Variants in ARHGAP24 observed in about 807,000 individuals in gnomAD.
ARHGAP24 encodes Rho GTPase activating protein 24.
ARHGAP24 carries 50 observed loss-of-function variants against 76.4 expected under a neutral mutation model. The ratio of observed to expected loss-of-function variants is 0.65; its 90% CI spans 0.52 to 0.83. The LOEUF is 0.83. Among genes scored for constraint, ARHGAP24 ranks in the 40% least tolerant of loss-of-function variants. The pLI, the probability that ARHGAP24 is intolerant of heterozygous loss-of-function variation, is 0.00. For missense variants in ARHGAP24, 930 were observed against 914.2 expected (o/e 1.02, Z -0.22); for synonymous variants, 345 against 323.3 (o/e 1.07, Z -0.72).
intron 4 of ARHGAP24, among the ~76,000 whole-genome samples, chr4:85,935,458 T>C (rs1309479352): frequency 1.3e-5 from 2 of 152,220 alleles, no homozygotes; most frequent in Admixed American, 1.3e-4. Flanking sequence ...GAAATCGGGT[T>C]TGGTCTTTGA....
intron 1 of ARHGAP24, among the ~76,000 whole-genome samples, chr4:85,503,085 A>G (rs1272028350): frequency 6.6e-6 from 1 of 152,222 alleles, no homozygotes; most frequent in African/African-American, 2.4e-5. Context: ...ATCGTAGTGG[A>G]TAAGCTTTTT....
chr4:85,504,050 G>A (rs1056946245), intron 1 of ARHGAP24, among the ~76,000 whole-genome samples: 1 of 152,220 alleles, frequency 6.6e-6, no homozygotes, highest in Non-Finnish European at 1.5e-5. Flanking sequence ...TTAATCTGGA[G>A]TTCTAATTTG....
At chr4:85,900,871 T>C (rs913407493) in intron 3 of ARHGAP24, among the ~76,000 whole-genome samples, 6 of 152,220 alleles carry the variant, frequency 3.9e-5, no homozygotes, top group African/African-American at 1.2e-4. Flanking sequence ...CACTGTTGAC[T>C]GTTCTCTTGC....
At chr4:85,847,190 TAAG>T (rs1326370357) in intron 3 of ARHGAP24, among the ~76,000 whole-genome samples, 1 of 152,206 alleles carries the variant, frequency 6.6e-6, no homozygotes, top group Non-Finnish European at 1.5e-5. Flanking sequence ...GAATTTCTAA[TAAG>T]AAGGTTTAAA....
At chr4:85,870,301 C>A (rs2060073835) in intron 3 of ARHGAP24, among the ~76,000 whole-genome samples, 1 of 152,020 alleles carries the variant, frequency 6.6e-6, no homozygotes, top group Non-Finnish European at 1.5e-5. Flanking sequence ...ATTGTTAATT[C>A]TTTTCACATG....
intron 5 of ARHGAP24, among the ~76,000 whole-genome samples, chr4:85,957,735 A>T (rs978612820): frequency 2.0e-5 from 3 of 152,186 alleles, no homozygotes; most frequent in African/African-American, 7.2e-5. Flanking sequence ...GTTCCATGAA[A>T]CTGCTTTATA....
chr4:85,509,509 T>C (rs1278223436), intron 1 of ARHGAP24, among the ~76,000 whole-genome samples: 1 of 152,042 alleles, frequency 6.6e-6, no homozygotes, highest in African/African-American at 2.4e-5. Flanking sequence ...ACAAAATTCT[T>C]AGTATATTAA....
chr4:85,757,530 T>C (rs1459481239), intron 3 of ARHGAP24, among the ~76,000 whole-genome samples: 1 of 152,172 alleles, frequency 6.6e-6, no homozygotes, highest in Non-Finnish European at 1.5e-5. Context: ...TCCATGTCCC[T>C]ACAAAGGACA....
intron 1 of ARHGAP24, among the ~76,000 whole-genome samples, chr4:85,543,905 C>A (rs1725805436): frequency 6.6e-6 from 1 of 152,194 alleles, no homozygotes; most frequent in Non-Finnish European, 1.5e-5. Context: ...GTAGTTTCAT[C>A]ATTCACAGAA....
intron 8 of ARHGAP24, among the ~76,000 whole-genome samples, chr4:85,989,675 A>G (rs1428413804): frequency 1.3e-5 from 2 of 151,726 alleles, no homozygotes; most frequent in Non-Finnish European, 3.0e-5. Flanking sequence ...TATAAAAAGG[A>G]TAATAAATCA....
rs1000601960 is a variant in ARHGAP24, at chr4:86,001,198, T to C, written c.*476T>C. 2.5e-6 allele frequency: 1 copy of C among 397,334 alleles called. No homozygotes were observed. The highest frequency in any genetic ancestry group is 4.4e-6 in the Non-Finnish European group (1 of 225,466). The allele number at this position is 397,334 out of a possible 1,614,324, so 24.6% of individuals were successfully genotyped here. A position where few individuals can be genotyped will look rare whatever the true frequency, so the allele number is the denominator to read the frequency against. On this transcript the variant is annotated 3_prime_UTR_variant, in exon 10 of 10. Coordinates refer to ENST00000395184, the MANE Select transcript of ARHGAP24 (RefSeq NM_001025616.3). ...AAAAATATAAATATATATATAAATA[T>C]ATGAGTTATTAAAATCAGAAGAATA...
At chr4:85,849,613 A>G (rs1731101630) in intron 3 of ARHGAP24, among the ~76,000 whole-genome samples, 1 of 152,170 alleles carries the variant, frequency 6.6e-6, no homozygotes, top group Non-Finnish European at 1.5e-5. Flanking sequence ...TTATTTTGAG[A>G]TACATTCCAT....
At chr4:85,640,346 G>A (rs1285682552) in intron 2 of ARHGAP24, among the ~76,000 whole-genome samples, 1 of 152,104 alleles carries the variant, frequency 6.6e-6, no homozygotes, top group Non-Finnish European at 1.5e-5. Flanking sequence ...CTCTCTCCAT[G>A]CCACTCCCTT....
intron 1 of ARHGAP24, among the ~76,000 whole-genome samples, chr4:85,505,332 A>T (rs1724001105): frequency 6.6e-6 from 1 of 152,124 alleles, no homozygotes; most frequent in Non-Finnish European, 1.5e-5. Flanking sequence ...ACTTGGTTCC[A>T]TTCTCCCTGT....
At chr4:85,567,369 G>A (rs1726891279) in intron 1 of ARHGAP24, among the ~76,000 whole-genome samples, 1 of 152,184 alleles carries the variant, frequency 6.6e-6, no homozygotes, top group Admixed American at 6.5e-5. Context: ...AAGCCAAAAG[G>A]ATGGATTTGA....
At position 85,923,754 on chromosome 4, in the gene ARHGAP24, G is replaced by C; in HGVS notation, c.375G>C (p.Trp125Cys). 1 of 1,613,966 alleles carries C rather than the reference G, an allele frequency of 6.2e-7. No homozygotes were observed. The highest frequency in any genetic ancestry group is 1.1e-5 in the South Asian group (1 of 91,078). The change falls in exon 4 of 10, where the codon TGG (tryptophan) becomes TGC (cysteine). Residue 125 changes from tryptophan (W) to cysteine (C), a missense_variant. By Grantham distance (215) the Trp-to-Cys change is radical. Transcript: ENST00000395184. ...TGAAGTCAATCCGCCGAGTCATATG[G>C]GGACCTTTCGGAGGAGGTGAGTGTA... Reference protein sequence around the residue: ...DWVKSIRRVIWGPFGGGIFGQ... With the variant: ...DWVKSIRRVICGPFGGGIFGQ...
At chr4:85,909,097 T>C (rs1056022253) in intron 3 of ARHGAP24, among the ~76,000 whole-genome samples, 4 of 152,172 alleles carry the variant, frequency 2.6e-5, no homozygotes, top group Non-Finnish European at 5.9e-5. Context: ...CCAGGTCTGA[T>C]TTTGAAGTTA....
At chr4:85,708,449 A>G (rs954027320) in intron 2 of ARHGAP24, among the ~76,000 whole-genome samples, 1 of 152,174 alleles carries the variant, frequency 6.6e-6, no homozygotes, top group Non-Finnish European at 1.5e-5. Context: ...CCATTTACTA[A>G]TGAGAAAACA....
intron 2 of ARHGAP24, among the ~76,000 whole-genome samples, chr4:85,699,594 C>T (rs1723993878): frequency 6.6e-6 from 1 of 151,580 alleles, no homozygotes; most frequent in Non-Finnish European, 1.5e-5. Flanking sequence ...AGAGCAAGAC[C>T]CTGTCTCAAT....
Sources: allele counts gnomAD v4.1 joint callset (sites outside exome capture counted in the v4.1 genomes callset), GRCh38; gene constraint gnomAD v4.1.1; transcripts MANE v1.5; gene names NCBI Gene and HGNC (gene_info 2026-07-23, HGNC 2026-07-21).